The following TMEM132B variants were observed in gnomAD, a reference collection of about 807,000 sequenced individuals.
TMEM132B encodes the protein transmembrane protein 132B.
A neutral mutation model predicts 90.8 loss-of-function variants in TMEM132B; 18 were observed. The ratio of observed to expected loss-of-function variants is 0.20; its 90% CI spans 0.14 to 0.29. The LOEUF (loss-of-function observed/expected upper bound fraction) is 0.29, where lower values mean the gene tolerates loss of function less well. TMEM132B is among the 10% of genes least tolerant of loss of function. The pLI is 1.00. For synonymous variants in TMEM132B, 504 were observed against 523.3 expected, an observed-to-expected ratio of 0.96 and a Z score of 0.50; for missense variants, 1,096 against 1,326.8, an observed-to-expected ratio of 0.83 and a Z score of 2.70.
intron 5 of TMEM132B, among the ~76,000 whole-genome samples, chr12:125,618,675 T>A (rs1886047671): frequency 1.3e-5 from 2 of 152,196 alleles, no homozygotes; most frequent in South Asian, 4.1e-4. Flanking sequence ...TTTAAATGTT[T>A]TTTTTTAAAG....
chr12:125,336,733 CAG>C lies in TMEM132B; in HGVS notation c.68-12716_68-12715del, dbSNP rs568635349. 1.4e-4 allele frequency among the ~76,000 whole-genome samples: 22 copies of C among 152,316 alleles called. No individual in the cohort carries two copies. The South Asian group carries it at 4.4e-3, about 30-fold the overall frequency. Reference sequence around the variant, plus strand: ...GCAGCAGGTGACACCCCATTTGACACAGAGGGAAATCGAATGGGAGGATGAAG... The same window carrying C: ...GCAGCAGGTGACACCCCATTTGACACAGGGAAATCGAATGGGAGGATGAAG... On this transcript the variant is annotated intron_variant, in intron 1 of 8. Transcript: ENST00000682704.
At position 125,407,533 on chromosome 12, in the gene TMEM132B, TGG is replaced by T. The variant is rs1474869509; in HGVS notation, c.960-7996_960-7995del. Among the ~76,000 whole-genome samples, 1 of 152,180 alleles carries T rather than the reference TGG, an allele frequency of 6.6e-6. No homozygotes were observed. Among genetic ancestry groups the T allele is most frequent in the Non-Finnish European group, 1.5e-5 (1 of 68,038 alleles). Reference sequence around the variant, plus strand: ...CCGTGCCCTGTCTGTCTGTCCCTGCTGGGTAGAGGCTGGCCTGGAGTCCAGTT... The same window carrying T: ...CCGTGCCCTGTCTGTCTGTCCCTGCTGTAGAGGCTGGCCTGGAGTCCAGTT... On this transcript the variant is annotated intron_variant, in intron 2 of 8. Coordinates refer to ENST00000682704, the MANE Select transcript of TMEM132B (RefSeq NM_001366854.1). This position sits in a 1 kb window ranked among gnomAD's most constrained non-coding sequence, Gnocchi z 6.7.
intron 1 of TMEM132B, among the ~76,000 whole-genome samples, chr12:125,266,681 A>G (rs1351145217): frequency 1.3e-5 from 2 of 152,306 alleles, no homozygotes; most frequent in East Asian, 1.9e-4. Flanking sequence ...ACTTGTAAAA[A>G]ATGTTACCCA....
chr12:125,269,788 A>G (rs1321377865), intron 1 of TMEM132B, among the ~76,000 whole-genome samples: 1 of 152,166 alleles, frequency 6.6e-6, no homozygotes, highest in Non-Finnish European at 1.5e-5. Context: ...GCGCAGAAAT[A>G]AGTATCCAGA....
In TMEM132B at chr12:125,584,004, G is replaced by T. The variant is rs1885119008; in HGVS notation, c.1437+10G>T. The T allele has an allele frequency of 6.2e-7, 1 of 1,614,090 alleles. No homozygotes were observed. The highest frequency in any genetic ancestry group is 8.5e-7 in the Non-Finnish European group (1 of 1,179,968). ...TGAAGATGTCATTAAGGTAAGGGGG[G>T]ATTTATCTACAGCTGTCCTAAGTGC... On this transcript the variant is annotated intron_variant, in intron 5 of 8. Coordinates refer to ENST00000682704, the MANE Select transcript of TMEM132B (RefSeq NM_001366854.1).
At chr12:125,613,998 C>A (rs906201118) in intron 5 of TMEM132B, among the ~76,000 whole-genome samples, 1 of 151,868 alleles carries the variant, frequency 6.6e-6, no homozygotes, top group Non-Finnish European at 1.5e-5. Context: ...ATGTTATTGG[C>A]CCAACAATAT....
At chr12:125,389,013 TACACACACACACACACACAC>T (rs71447042) in intron 2 of TMEM132B, among the ~76,000 whole-genome samples, 8 of 140,096 alleles carry the variant, frequency 5.7e-5, no homozygotes, top group African/African-American at 1.9e-4. Context: ...ATATTTTCTG[TACACACACACACACACACAC>T]ACACACACAC....
In TMEM132B at chr12:125,459,768, T is replaced by C. The variant is rs1881387728; in HGVS notation, c.1106+44091T>C. On this transcript the variant is annotated intron_variant, in intron 3 of 8. Transcript: ENST00000682704. The surrounding 1 kb of genome is among the most constrained non-coding windows in gnomAD (Gnocchi z 4.1). Reference sequence around the variant, plus strand: ...TCCCCACCCAAATCTCATCCTGAATTGTAGCTCCCATAATTCCCATGTGTT... The same window carrying C: ...TCCCCACCCAAATCTCATCCTGAATCGTAGCTCCCATAATTCCCATGTGTT... 6.6e-6 allele frequency among the ~76,000 whole-genome samples: 1 copy of C among 152,166 alleles called. No individual in the cohort carries two copies.
chr12:125,206,759 T>C (rs532344193), intron 1 of TMEM132B, among the ~76,000 whole-genome samples: 5 of 152,328 alleles, frequency 3.3e-5, no homozygotes, highest in African/African-American at 9.6e-5. Flanking sequence ...TCTGCTCCTC[T>C]ACAGGGGATT....
intron 5 of TMEM132B, among the ~76,000 whole-genome samples, chr12:125,589,509 A>C (rs1207325130): frequency 1.3e-5 from 2 of 149,726 alleles, no homozygotes; most frequent in African/African-American, 4.9e-5. Flanking sequence ...AAAAAAAAGA[A>C]ATACCTGAGA....
chr12:125,300,990 T>G (rs1459556939), intron 1 of TMEM132B: 1 of 152,210 alleles, frequency 6.6e-6, no homozygotes. Flanking sequence ...TGTTATGAGG[T>G]TGCCTCCATT....
At chr12:125,286,446 C>T (rs1043665037) in intron 1 of TMEM132B, among the ~76,000 whole-genome samples, 3 of 152,122 alleles carry the variant, frequency 2.0e-5, no homozygotes, top group African/African-American at 7.2e-5. Flanking sequence ...CTGGGTTCTT[C>T]AAGGATCTGG....
chr12:125,191,802 C>T (rs1056642160), intron 1 of TMEM132B, among the ~76,000 whole-genome samples: 1 of 149,784 alleles, frequency 6.7e-6, no homozygotes, highest in Non-Finnish European at 1.5e-5. Flanking sequence ...GAATTTTGGT[C>T]TCATGCACTG....
At position 125,407,709 on chromosome 12, in the gene TMEM132B, C is replaced by T. The variant is rs1469728933; in HGVS notation, c.960-7822C>T. On this transcript the variant is annotated intron_variant, in intron 2 of 8. Coordinates refer to ENST00000682704, the MANE Select transcript of TMEM132B (RefSeq NM_001366854.1). The surrounding 1 kb of genome is among the most constrained non-coding windows in gnomAD (Gnocchi z 6.7). ...CTCAGGTCACTCTTGTCGCTCAGAA[C>T]CAAAGGGACCGCGGACACCTGGTGG... is the stretch of plus-strand genomic sequence containing the variant. Among the ~76,000 whole-genome samples, 4 of 152,196 alleles carry T rather than the reference C, an allele frequency of 2.6e-5. No homozygotes were observed. Among genetic ancestry groups the T allele is most frequent in the South Asian group, 2.1e-4 (1 of 4,824 alleles).
intron 7 of TMEM132B, 103 bp downstream of exon 7, chr12:125,651,056 A>C: frequency 6.8e-7 from 1 of 1,460,018 alleles, no homozygotes; most frequent in Non-Finnish European, 9.3e-7. Flanking sequence ...GCATGTGGAC[A>C]TGTATATCAA....
chr12:125,499,355 A>G (rs1269807219), intron 3 of TMEM132B, among the ~76,000 whole-genome samples: 1 of 152,222 alleles, frequency 6.6e-6, no homozygotes, highest in East Asian at 1.9e-4. Context: ...ATTGCTATGG[A>G]ATAAAAGATG....
rs1039442394 is a variant in TMEM132B at position 125,285,774 on chromosome 12, G to A, written c.68-63678G>A. Among the ~76,000 whole-genome samples, 22 of 152,304 alleles carry A rather than the reference G, an allele frequency of 1.4e-4. No individual in the cohort carries two copies. The East Asian group carries it at 3.9e-3, about 27-fold the overall frequency. ...TGGCCGCTGCCCCATCATACTCCAG[G>A]GCCTGGCCTGGGGCGTCGCCAAGTG... is the stretch of plus-strand genomic sequence containing the variant. On this transcript the variant is annotated intron_variant, in intron 1 of 8. Transcript: ENST00000682704.
In TMEM132B at chr12:125,644,368, C is replaced by A. The variant is rs1886708265; in HGVS notation, c.1643+87C>A. ...GCAAACTGGCCCTCAGGGACTCAAG[C>A]CATTGGGAAGCAACATCCACAGCGG... On this transcript the variant is annotated intron_variant, in intron 6 of 8. Coordinates refer to ENST00000682704, the MANE Select transcript of TMEM132B (RefSeq NM_001366854.1). The A allele has an allele frequency of 1.2e-5, 18 of 1,448,668 alleles. No homozygotes were observed. The South Asian group carries it at 2.3e-4, about 18-fold the overall frequency. The allele number at this position is 1,448,668 out of a possible 1,614,324, so 89.7% of individuals were successfully genotyped here. A position where few individuals can be genotyped will look rare whatever the true frequency, so the allele number is the denominator to read the frequency against.
intron 4 of TMEM132B, among the ~76,000 whole-genome samples, chr12:125,527,354 C>T (rs1246070434): frequency 3.7e-5 from 5 of 136,496 alleles, no homozygotes; most frequent in Admixed American, 7.2e-5. Context: ...TCCACCCATC[C>T]ACCCTTCCAT....
Sources: allele counts gnomAD v4.1 joint callset (sites outside exome capture counted in the v4.1 genomes callset), GRCh38; gene constraint gnomAD v4.1.1; non-coding constraint Gnocchi (gnomAD v3.1); transcripts MANE v1.5; gene names NCBI Gene and HGNC (gene_info 2026-07-23, HGNC 2026-07-21).